The following QNG1 variants were observed in gnomAD, a reference collection of about 807,000 sequenced individuals.
QNG1 encodes Q-nucleotide N-glycosylase 1.
At chr9:83,946,904 A>T in the QNG1 span, among the ~76,000 whole-genome samples, 8 of 145,068 alleles carry the variant, frequency 5.5e-5, no homozygotes, top group East Asian at 8.0e-4. Flanking sequence ...TGGCCTACAA[A>T]TTTTTTTTTT....
chr9:83,955,069 C>A, the QNG1 span, among the ~76,000 whole-genome samples: 2 of 149,316 alleles, frequency 1.3e-5, no homozygotes, highest in Non-Finnish European at 3.0e-5. Context: ...CTTGGTGGCG[C>A]ATCCCTGTAA....
chr9:83,946,532 C>T, the QNG1 span, among the ~76,000 whole-genome samples: 1 of 151,984 alleles, frequency 6.6e-6, no homozygotes, highest in African/African-American at 2.4e-5. Flanking sequence ...AATAAAATAG[C>T]CAATTATATT....
chr9:83,941,902 G>A, the QNG1 span, among the ~76,000 whole-genome samples: 7 of 150,452 alleles, frequency 4.7e-5, no homozygotes, highest in Non-Finnish European at 7.4e-5. Context: ...ACAAAACTCC[G>A]TCTCAAAAAA....
At chr9:83,956,906 G>A in the QNG1 span, 2,467 of 162,242 alleles carry the variant, frequency 0.015, 80 homozygotes, top group African/African-American at 0.057. Context: ...CCCCGCTTCG[G>A]ACAGGTGGGA....
the QNG1 span, among the ~76,000 whole-genome samples, chr9:83,948,649 GA>G: frequency 8.9e-3 from 1,353 of 152,338 alleles, 19 homozygotes; most frequent in African/African-American, 0.032. Flanking sequence ...TTGTCGAATA[GA>G]AAGGGGGGAA....
the QNG1 span, among the ~76,000 whole-genome samples, chr9:83,942,731 C>T: frequency 6.6e-6 from 1 of 152,190 alleles, no homozygotes; most frequent in Non-Finnish European, 1.5e-5. Flanking sequence ...TACTTAAATG[C>T]ACTAAGTGGC....
chr9:83,949,226 A>G, the QNG1 span, among the ~76,000 whole-genome samples: 1 of 152,222 alleles, frequency 6.6e-6, no homozygotes, highest in Non-Finnish European at 1.5e-5. Context: ...AAACATTCCT[A>G]CATTATGCTA....
chr9:83,942,892 T>C, the QNG1 span, among the ~76,000 whole-genome samples: 1 of 152,134 alleles, frequency 6.6e-6, no homozygotes, highest in Non-Finnish European at 1.5e-5. Context: ...AATTCTGACA[T>C]CTCTGTACAA....
the QNG1 span, chr9:83,956,095 C>T: frequency 6.6e-7 from 1 of 1,519,474 alleles, no homozygotes; most frequent in Non-Finnish European, 9.0e-7. Flanking sequence ...CTTGGAACTC[C>T]CCTACACACA....
chr9:83,943,331 C>CAAAAAAAA, the QNG1 span, among the ~76,000 whole-genome samples: 29 of 62,510 alleles, frequency 4.6e-4, no homozygotes, highest in African/African-American at 1.1e-3. Flanking sequence ...CAGAGCGTCT[C>CAAAAAAAA]AAAAAAAAAA....
chr9:83,953,822 G>C, the QNG1 span: 2 of 1,547,766 alleles, frequency 1.3e-6, no homozygotes, highest in South Asian at 1.2e-5. Flanking sequence ...CCAACAAAAT[G>C]ATCATCATTT....
At chr9:83,948,361 C>T in the QNG1 span, among the ~76,000 whole-genome samples, 15 of 140,710 alleles carry the variant, frequency 1.1e-4, no homozygotes, top group African/African-American at 3.2e-4. Context: ...GCCCGGCAGC[C>T]GCCCCGTCCA....
At chr9:83,944,158 A>C in the QNG1 span, among the ~76,000 whole-genome samples, 1 of 152,246 alleles carries the variant, frequency 6.6e-6, no homozygotes, top group Admixed American at 6.5e-5. Context: ...AATAAAATAA[A>C]ATAAAGAAAA....
At chr9:83,955,067 C>T in the QNG1 span, among the ~76,000 whole-genome samples, 3 of 151,100 alleles carry the variant, frequency 2.0e-5, no homozygotes, top group Admixed American at 2.0e-4. Context: ...GGCTTGGTGG[C>T]GCATCCCTGT....
the QNG1 span, chr9:83,955,313 T>C: frequency 4.0e-6 from 6 of 1,514,786 alleles, no homozygotes; most frequent in African/African-American, 7.0e-5. Context: ...TTAAAATGAG[T>C]TCTGGAAGTA....
the QNG1 span, chr9:83,945,062 AGTT>A: frequency 1.5e-5 from 18 of 1,198,732 alleles, no homozygotes; most frequent in Admixed American, 1.7e-4. Context: ...TTAAAGGTGC[AGTT>A]GAAACATTTT....
the QNG1 span, among the ~76,000 whole-genome samples, chr9:83,946,844 G>A: frequency 1.2e-4 from 19 of 152,082 alleles, no homozygotes; most frequent in Admixed American, 1.1e-3. Context: ...GGCGATCCGT[G>A]TGCCTTGGCC....
chr9:83,947,525 C>T, the QNG1 span, among the ~76,000 whole-genome samples: 2 of 152,232 alleles, frequency 1.3e-5, no homozygotes, highest in Non-Finnish European at 2.9e-5. Context: ...TCTCCCTCTC[C>T]CTCGTCTCCC....
At chr9:83,943,180 A>G in the QNG1 span, among the ~76,000 whole-genome samples, 1 of 152,084 alleles carries the variant, frequency 6.6e-6, no homozygotes, top group South Asian at 2.1e-4. Flanking sequence ...TCTCTACTCA[A>G]AATACAAAAA....
Sources: gnomAD v4.1 joint callset for allele counts (sites outside exome capture counted in the v4.1 genomes callset) on GRCh38, gnomAD v4.1.1 for gene constraint, MANE v1.5 for transcripts, NCBI Gene and HGNC (gene_info 2026-07-23, HGNC 2026-07-21) for gene names.